Variants in CENPU observed in about 807,000 individuals in gnomAD.
CENPU encodes KSHV latent nuclear antigen interacting protein 1.
CENPU carries 46 observed loss-of-function variants against 56.7 expected under a neutral mutation model. The ratio of observed to expected loss-of-function variants is 0.81; its 90% confidence interval spans 0.64 to 1.04. The LOEUF is 1.04. Ranked by LOEUF, CENPU falls within the 50% of genes least tolerant of loss-of-function variation. The pLI is 0.00. For missense variants in CENPU, 510 were observed against 490.1 expected (o/e 1.04, Z -0.38); for synonymous variants, 166 against 163.0 (o/e 1.02, Z -0.14).
chr4:184,711,811 C>T (rs9715644), intron 7 of CENPU, among the ~76,000 whole-genome samples: 27,066 of 151,762 alleles, frequency 0.18, 2,714 homozygotes, highest in African/African-American at 0.26. Flanking sequence ...AACATACGTT[C>T]GCAAAAAAAT....
intron 11 of CENPU, chr4:184,699,680 A>G: frequency 8.9e-7 from 1 of 1,122,490 alleles, no homozygotes; most frequent in Non-Finnish European, 1.2e-6. Flanking sequence ...TTTTTTTTTG[A>G]GACACAGTTT....
chr4:184,711,227 T>A (rs1561135092), intron 7 of CENPU, among the ~76,000 whole-genome samples: 1 of 152,192 alleles, frequency 6.6e-6, no homozygotes, highest in African/African-American at 2.4e-5. Context: ...ATTCCTTCTT[T>A]AATATCTCCT....
intron 8 of CENPU, among the ~76,000 whole-genome samples, chr4:184,709,114 G>A (rs941817327): frequency 6.6e-6 from 1 of 152,072 alleles, no homozygotes; most frequent in African/African-American, 2.4e-5. Flanking sequence ...TTCAAAGACT[G>A]ATACACTGTA....
At chr4:184,712,862 A>G in intron 7 of CENPU, 82 bp downstream of exon 7, 1 of 945,278 alleles carries the variant, frequency 1.1e-6, no homozygotes, top group Non-Finnish European at 1.6e-6. Flanking sequence ...ACAATTTACT[A>G]CTATAACAAA....
intron 9 of CENPU, 46 bp from the exon 10 acceptor site, chr4:184,702,182 A>G: frequency 6.9e-7 from 1 of 1,443,404 alleles, no homozygotes; most frequent in Non-Finnish European, 9.7e-7. Context: ...TCCAAAAGTA[A>G]ATGTTAATTA....
chr4:184,716,605 T>A lies in CENPU; in HGVS notation c.410A>T (p.Asp137Val). Residue 137 changes from aspartate to valine, a missense_variant, in exon 6 of 13, where the codon GAT (aspartate) becomes GTT (valine). Coordinates refer to ENST00000281453, the MANE Select transcript of CENPU (RefSeq NM_024629.4). ...KPGRKLRPIS[D>V]DSESIEESDT... ...ACTTTCTTCAATGCTTTCAGAGTCA[T>A]CACTAATGGGCCTGAGCTTTCTTCC... is the stretch of plus-strand genomic sequence containing the variant. 1 of 1,614,136 alleles carries A rather than the reference T, an allele frequency of 6.2e-7. No individual in the cohort carries two copies. The highest frequency in any genetic ancestry group is 1.1e-5 in the South Asian group (1 of 91,074).
intron 1 of CENPU, 40 bp downstream of exon 1, chr4:184,733,976 G>A: frequency 6.2e-7 from 1 of 1,611,042 alleles, no homozygotes; most frequent in Non-Finnish European, 8.5e-7. Flanking sequence ...AGTTCAAGCT[G>A]GTCTCCGGCC....
chr4:184,703,234 T>C (rs4610379), intron 8 of CENPU, among the ~76,000 whole-genome samples: 63,969 of 152,108 alleles, frequency 0.42, 14,642 homozygotes, highest in East Asian at 0.71. Flanking sequence ...CCAATCTTTT[T>C]CTGCTAACTG....
rs571043442 is a variant in CENPU, at chr4:184,696,449, T to C, written c.1144-1048A>G. Among the ~76,000 whole-genome samples the C allele has an allele frequency of 4.6e-5, 7 of 152,276 alleles. 1 individual carries two copies. The South Asian group carries it at 1.4e-3, about 32-fold the overall frequency. On this transcript the variant is annotated intron_variant, in intron 12 of 12. Coordinates refer to ENST00000281453, the MANE Select transcript of CENPU (RefSeq NM_024629.4). ...CTAAACCTCGCTTTTAACCAAAGTATTATGTTCAAGCTGAATCAATGCTAC... is the reference window on the plus strand; with the variant it reads ...CTAAACCTCGCTTTTAACCAAAGTACTATGTTCAAGCTGAATCAATGCTAC...
chr4:184,711,210 G>A (rs1448899525), intron 7 of CENPU, among the ~76,000 whole-genome samples: 3 of 152,078 alleles, frequency 2.0e-5, no homozygotes, highest in Non-Finnish European at 4.4e-5. Context: ...CTCTTCTTCC[G>A]TAATTAATTC....
intron 8 of CENPU, among the ~76,000 whole-genome samples, chr4:184,702,786 A>G (rs1760581127): frequency 1.3e-5 from 2 of 152,118 alleles, no homozygotes; most frequent in Admixed American, 6.5e-5. Flanking sequence ...ATGTGCACCC[A>G]GTGTTTAGCT....
At chr4:184,700,635 G>A (rs139901754) in intron 11 of CENPU, among the ~76,000 whole-genome samples, 185 bp downstream of exon 11, 40 of 152,312 alleles carry the variant, frequency 2.6e-4, no homozygotes, top group Admixed American at 2.5e-3. Context: ...ATAGATCAGT[G>A]TGGAATTCTC....
At chr4:184,728,872 G>A (rs1761543908) in intron 3 of CENPU, 46 bp downstream of exon 3, 6 of 1,378,936 alleles carry the variant, frequency 4.4e-6, no homozygotes, top group Middle Eastern at 3.6e-4. Context: ...TGGCCTAAAT[G>A]TTGTTGCTTT....
At chr4:184,704,038 C>T (rs1042078458) in intron 8 of CENPU, among the ~76,000 whole-genome samples, 10 of 151,972 alleles carry the variant, frequency 6.6e-5, no homozygotes, top group African/African-American at 2.4e-4. Flanking sequence ...CTACATAATA[C>T]TAGGTAATAA....
chr4:184,694,630 G>T lies in CENPU; in HGVS notation c.*658C>A. The stretch of plus-strand genomic sequence containing the variant: ...GTCAACAGGTGCATCTGCTGATGCT[G>T]TCTGGGATAATGGCATTGATGATGC... On this transcript the variant is annotated 3_prime_UTR_variant, in exon 13 of 13. Coordinates refer to ENST00000281453, the MANE Select transcript of CENPU (RefSeq NM_024629.4). 6.2e-7 allele frequency: 1 copy of T among 1,614,192 alleles called. No individual in the cohort carries two copies. The highest frequency in any genetic ancestry group is 1.3e-5 in the African/African-American group (1 of 75,054).
rs1761756733 is a variant in CENPU at position 184,734,076 on chromosome 4, G to A, written c.-14C>T. 6 of 1,546,624 alleles carry A rather than the reference G, an allele frequency of 3.9e-6. No homozygotes were observed. Among genetic ancestry groups the A allele is most frequent in the Admixed American group, 2.0e-5 (1 of 50,998 alleles). ...CCGCGGGGCCATGGTGCCGCTCTCC[G>A]CTCTCGAGCGACTGGAAGCTCCCGC... On this transcript the variant is annotated 5_prime_UTR_variant, in exon 1 of 13. Coordinates refer to ENST00000281453, the MANE Select transcript of CENPU (RefSeq NM_024629.4).
At position 184,694,386 on chromosome 4, in the gene CENPU, C is replaced by T. The variant is rs1759980605; in HGVS notation, c.*902G>A. ...CATTCCCACGGTGAGATATCGGAGA[C>T]AGCATTCCTCCTGCATATTCACTTT... On this transcript the variant is annotated 3_prime_UTR_variant, in exon 13 of 13. Coordinates refer to ENST00000281453, the MANE Select transcript of CENPU (RefSeq NM_024629.4). 1.4e-6 allele frequency: 2 copies of T among 1,418,848 alleles called. No homozygotes were observed. Among genetic ancestry groups the T allele is most frequent in the Non-Finnish European group, 1.8e-6 (2 of 1,087,194 alleles). The allele number at this position is 1,418,848 out of a possible 1,614,324, so 87.9% of individuals were successfully genotyped here.
intron 8 of CENPU, among the ~76,000 whole-genome samples, chr4:184,704,625 A>T (rs1561130649): frequency 6.6e-6 from 1 of 152,194 alleles, no homozygotes; most frequent in East Asian, 1.9e-4. Flanking sequence ...AAATTCTGAC[A>T]CATGCTATGA....
At chr4:184,701,976 G>C in intron 10 of CENPU, 113 bp downstream of exon 10, 1 of 704,062 alleles carries the variant, frequency 1.4e-6, no homozygotes, top group Non-Finnish European at 2.5e-6. Flanking sequence ...AGCCTGACAA[G>C]ATTATGAAAT....
Sources: gnomAD v4.1 joint callset for allele counts (sites outside exome capture counted in the v4.1 genomes callset) on GRCh38, gnomAD v4.1.1 for gene constraint, MANE v1.5 for transcripts, NCBI Gene and HGNC (gene_info 2026-07-23, HGNC 2026-07-21) for gene names.